Variants in GNL2 observed in about 807,000 individuals in gnomAD.
The protein encoded by GNL2 is G protein nucleolar 2, also known as nucleolar GTP-binding protein 2.
GNL2 carries 51 observed loss-of-function variants against 92.3 expected under a neutral mutation model. The ratio of observed to expected loss-of-function variants is 0.55; its 90% confidence interval spans 0.44 to 0.70. The LOEUF (loss-of-function observed/expected upper bound fraction) is 0.70. Among genes scored for constraint, GNL2 ranks in the 30% least tolerant of loss-of-function variants. The probability of loss-of-function intolerance (pLI) is 0.00; values close to 1 mark genes in which losing one functional copy is unlikely to be tolerated. For missense variants in GNL2, 844 were observed against 895.6 expected (o/e 0.94, Z 0.74); for synonymous variants, 283 against 300.6 (o/e 0.94, Z 0.61).
At chr1:37,594,602 C>T (rs1020217138) in intron 1 of GNL2, among the ~76,000 whole-genome samples, 2 of 152,020 alleles carry the variant, frequency 1.3e-5, no homozygotes, top group African/African-American at 2.4e-5. Context: ...AGTGCAGTGT[C>T]GCGATCTCAG....
In GNL2 at chr1:37,575,675, G is replaced by A. The variant is rs375198771; in HGVS notation, c.1063C>T (p.Arg355Cys). Residue 355 changes from arginine to cysteine, a missense_variant, in exon 10 of 16, where the codon CGT (arginine) becomes TGT (cysteine). Physicochemically the swap from Arg to Cys is radical, Grantham distance 180 (BLOSUM62 -3). Coordinates refer to ENST00000373062, the MANE Select transcript of GNL2 (RefSeq NM_013285.3). This position sits in a 1 kb window ranked among gnomAD's most constrained non-coding sequence, Gnocchi z 4.1. ...TKVWQYITLM[R>C]RIFLIDCPGV... is the part of the protein sequence containing the mutation. ...GGACAGTCAATCAGGAATATCCGAC[G>A]CATCAAAGTAATATACTGCCAGACC... 1.9e-6 allele frequency: 3 copies of A among 1,601,364 alleles called. No individual in the cohort carries two copies. Among genetic ancestry groups the A allele is most frequent in the Non-Finnish European group, 1.7e-6 (2 of 1,175,338 alleles).
At position 37,569,073 on chromosome 1, in the gene GNL2, G is replaced by A. The variant is rs781741166; in HGVS notation, c.1646C>T (p.Pro549Leu). ...TTCCTCAAGATCTGACACCTCCACA[G>A]GAACCAGGTCATCCCCAGAAAACTG... ...VPQFSGDDLV[P>L]VEVSDLEEEL... Residue 549 changes from proline to leucine, a missense_variant, in exon 13 of 16, where the codon CCT becomes CTT. Transcript: ENST00000373062. 6.8e-6 allele frequency: 11 copies of A among 1,614,002 alleles called. No individual in the cohort carries two copies. Among genetic ancestry groups the A allele is most frequent in the Non-Finnish European group, 8.5e-6 (10 of 1,180,028 alleles).
chr1:37,567,789 G>A (rs1287081026), intron 14 of GNL2, 25 bp from the exon 15 acceptor site: 1 of 1,570,808 alleles, frequency 6.4e-7, no homozygotes, highest in Non-Finnish European at 8.8e-7. Flanking sequence ...TACACAAACA[G>A]GAATTTTCTA....
At chr1:37,576,640 C>A (rs1470221100) in intron 8 of GNL2, 84 bp from the exon 9 acceptor site, 3 of 1,372,374 alleles carry the variant, frequency 2.2e-6, no homozygotes, top group African/African-American at 2.9e-5. Flanking sequence ...TTGTTAATAT[C>A]AAGAATACAG....
At chr1:37,581,977 T>A (rs1046813243) in intron 8 of GNL2, among the ~76,000 whole-genome samples, 14 of 152,054 alleles carry the variant, frequency 9.2e-5, no homozygotes, top group Non-Finnish European at 2.1e-4. Context: ...CTTTTTTTTT[T>A]AGAGGCAGGG....
intron 8 of GNL2, chr1:37,581,546 CT>C (rs1283179113): frequency 8.8e-6 from 4 of 455,924 alleles, no homozygotes; most frequent in Non-Finnish European, 1.8e-5. Flanking sequence ...GGTGCCAGGG[CT>C]GTGGCAGAAA....
At position 37,595,925 on chromosome 1, in the gene GNL2, G is replaced by T. The variant is rs902879043; in HGVS notation, c.-103C>A. The T allele has an allele frequency of 2.2e-6, 2 of 913,202 alleles. No homozygotes were observed. Among genetic ancestry groups the T allele is most frequent in the Admixed American group, 1.9e-5 (1 of 53,358 alleles). The allele number at this position is 913,202 out of a possible 1,614,324, so 56.6% of individuals were successfully genotyped here. ...CGAAGACACCCGCCTGAACCACGCC[G>T]GACCACGTGTGCACGACGTACGTCA... On this transcript the variant is annotated 5_prime_UTR_variant, in exon 1 of 16. Transcript: ENST00000373062.
At chr1:37,583,806 C>T (rs111584820) in intron 6 of GNL2, 61 bp downstream of exon 6, 11 of 986,856 alleles carry the variant, frequency 1.1e-5, no homozygotes, top group Non-Finnish European at 1.8e-5. Flanking sequence ...AATTAGTTTT[C>T]TTCTACAAAA....
chr1:37,583,037 C>T (rs1643797585), intron 6 of GNL2, 101 bp from the exon 7 acceptor site: 2 of 769,338 alleles, frequency 2.6e-6, no homozygotes, highest in East Asian at 5.7e-5. Flanking sequence ...TATTTAGAGA[C>T]AACTTCAAAA....
intron 4 of GNL2, among the ~76,000 whole-genome samples, chr1:37,589,845 C>T (rs1016776224): frequency 1.8e-4 from 27 of 152,318 alleles, no homozygotes; most frequent in Admixed American, 9.1e-4. Context: ...CCCCTTCCTT[C>T]AGCTGAGAAA....
At chr1:37,580,341 T>C (rs1425251149) in intron 8 of GNL2, among the ~76,000 whole-genome samples, 1 of 152,168 alleles carries the variant, frequency 6.6e-6, no homozygotes, top group South Asian at 2.1e-4. Context: ...GGGGTCAGAA[T>C]GGCCTCAGAT....
At chr1:37,567,103 T>C in intron 15 of GNL2, 96 bp from the exon 16 acceptor site, 3 of 1,296,602 alleles carry the variant, frequency 2.3e-6, no homozygotes, top group South Asian at 1.4e-5. Context: ...CTCTGTGTTC[T>C]ATTTCCCGTG....
At chr1:37,593,077 T>TA (rs955218546) in intron 2 of GNL2, among the ~76,000 whole-genome samples, 83 of 150,350 alleles carry the variant, frequency 5.5e-4, no homozygotes, top group Admixed American at 1.4e-3. Flanking sequence ...CTGTTTACTT[T>TA]AAAAAAAAAA....
chr1:37,590,904 T>C, intron 3 of GNL2, 59 bp from the exon 4 acceptor site: 2 of 1,366,168 alleles, frequency 1.5e-6, no homozygotes, highest in Non-Finnish European at 2.0e-6. Flanking sequence ...CATCTTCCAC[T>C]GACACGGTGA....
At chr1:37,592,028 C>T (rs1643890747) in intron 3 of GNL2, among the ~76,000 whole-genome samples, 1 of 152,180 alleles carries the variant, frequency 6.6e-6, no homozygotes, top group South Asian at 2.1e-4. Flanking sequence ...TTCTGTGTTG[C>T]AGTTCTTAGG....
intron 12 of GNL2, among the ~76,000 whole-genome samples, chr1:37,573,415 C>T (rs943525029): frequency 1.3e-5 from 2 of 152,216 alleles, no homozygotes; most frequent in African/African-American, 4.8e-5. Context: ...AAAGGCAAAA[C>T]GTTAACGTTG....
At chr1:37,592,257 T>A (rs892533415) in intron 3 of GNL2, among the ~76,000 whole-genome samples, 1 of 152,226 alleles carries the variant, frequency 6.6e-6, no homozygotes, top group Admixed American at 6.5e-5. Context: ...CTCTATTCAC[T>A]GTTGGACAGT....
Position 37,569,168 on chromosome 1 carries a change from A to G in GNL2, c.1551T>C (p.Asp517=). 1 of 1,614,166 alleles carries G rather than the reference A, an allele frequency of 6.2e-7. No homozygotes were observed. The highest frequency in any genetic ancestry group is 8.5e-7 in the Non-Finnish European group (1 of 1,180,012). ...GAATCTGCTGCATCTCTGTGTTAGC[A>G]TCACAGTGACTGTTCTCTTCTGTTT... ...KEETEENSHC[D]ANTEMQQILT... Residue 517 remains aspartate (D), a synonymous_variant, in exon 13 of 16, where the codon GAT becomes GAC. Transcript: ENST00000373062.
intron 15 of GNL2, 96 bp downstream of exon 15, chr1:37,567,577 T>C: frequency 1.1e-6 from 1 of 876,298 alleles, no homozygotes; most frequent in Non-Finnish European, 1.9e-6. Context: ...ACTGGGGTTC[T>C]TGGGATTCAG....
Sources: gnomAD v4.1 joint callset for allele counts (sites outside exome capture counted in the v4.1 genomes callset) on GRCh38, gnomAD v4.1.1 for gene constraint, Gnocchi (gnomAD v3.1) non-coding constraint, MANE v1.5 for transcripts, NCBI Gene and HGNC (gene_info 2026-07-23, HGNC 2026-07-21) for gene names.